Variants in CFAP92 observed in about 807,000 individuals in gnomAD.
CFAP92 encodes cilia and flagella associated protein 92 (putative), also known as uncharacterized protein CFAP92.
A neutral mutation model predicts 106.3 loss-of-function variants in CFAP92; 86 were observed. The ratio of observed to expected loss-of-function variants is 0.81; its 90% CI spans 0.68 to 0.97. The LOEUF (loss-of-function observed/expected upper bound fraction) is 0.97, where lower values mean the gene tolerates loss of function less well. Ranked by LOEUF, CFAP92 falls within the 50% of genes least tolerant of loss-of-function variation. CFAP92 has a pLI of 0.00. For missense variants in CFAP92, 1,204 were observed against 1,283.8 expected (o/e 0.94, Z 0.95); for synonymous variants, 477 against 506.4 (o/e 0.94, Z 0.78).
intron 9 of CFAP92, among the ~76,000 whole-genome samples, chr3:128,948,637 C>T (rs1940495820): frequency 6.6e-6 from 1 of 151,464 alleles, no homozygotes; most frequent in Non-Finnish European, 1.5e-5. Flanking sequence ...TCAAGCAATT[C>T]TCCTGCCTCA....
At chr3:128,978,271 A>C (rs1943290788) in intron 4 of CFAP92, 86 bp from the exon 5 acceptor site, 2 of 1,463,258 alleles carry the variant, frequency 1.4e-6, no homozygotes, top group Admixed American at 4.0e-5. Context: ...TCTTGGAGAC[A>C]CTGGGCGTTC....
At chr3:128,981,107 G>A (rs1943504530) in intron 4 of CFAP92, among the ~76,000 whole-genome samples, 1 of 151,348 alleles carries the variant, frequency 6.6e-6, no homozygotes, top group South Asian at 2.1e-4. Flanking sequence ...TGCGATCTCG[G>A]CTCATTGCAA....
chr3:129,003,881 G>T, upstream of CFAP92: 1 of 1,403,788 alleles, frequency 7.1e-7, no homozygotes. Flanking sequence ...TCAGGCGCAG[G>T]GCGCCCTGGC....
intron 9 of CFAP92, among the ~76,000 whole-genome samples, chr3:128,961,415 A>G (rs183976950): frequency 0.039 from 5,935 of 151,888 alleles, 293 homozygotes; most frequent in African/African-American, 0.11. Flanking sequence ...AGGCCGAGCT[A>G]GGTCCCAATT....
At chr3:128,916,465 G>GAT (rs1208517289) in intron 12 of CFAP92, among the ~76,000 whole-genome samples, 194 bp from the exon 13 acceptor site, 3 of 152,130 alleles carry the variant, frequency 2.0e-5, no homozygotes, top group African/African-American at 4.8e-5. Context: ...ATCCAAAATG[G>GAT]AATTTAAGAG....
intron 15 of CFAP92, chr3:128,912,575 A>G (rs770630924): frequency 5.6e-6 from 9 of 1,614,050 alleles, no homozygotes; most frequent in South Asian, 3.3e-5. Context: ...GCGAGCCTAT[A>G]TCTGTGCCCA....
At chr3:128,982,974 C>T (rs1039651943) in intron 4 of CFAP92, among the ~76,000 whole-genome samples, 4 of 152,138 alleles carry the variant, frequency 2.6e-5, no homozygotes, top group African/African-American at 9.6e-5. Flanking sequence ...GTGAAAAATC[C>T]GAGAATTATC....
At chr3:128,939,353 G>A (rs569560775) in intron 10 of CFAP92, among the ~76,000 whole-genome samples, 1 of 152,110 alleles carries the variant, frequency 6.6e-6, no homozygotes, top group South Asian at 2.1e-4. Flanking sequence ...TGGCCAGGCT[G>A]GTCTCAAACT....
chr3:128,958,018 G>A lies in CFAP92; in HGVS notation c.1353+7493C>T, dbSNP rs1235083255. On this transcript the variant is annotated intron_variant, in intron 9 of 15. Transcript: ENST00000645291. ...TGGCAGCATCCACTTTCCATGTGGC[G>A]TTCTCTGTGTGTCACTTTGCATAGT... Among the ~76,000 whole-genome samples, 4 of 152,114 alleles carry A rather than the reference G, an allele frequency of 2.6e-5. No homozygotes were observed. The East Asian group carries it at 5.8e-4, about 22-fold the overall frequency.
rs1409136981 is a variant in CFAP92, at chr3:128,915,145, G to A, written c.3254C>T (p.Pro1085Leu). 9.1e-6 allele frequency: 14 copies of A among 1,536,000 alleles called. No individual in the cohort carries two copies. Among genetic ancestry groups the A allele is most frequent in the Admixed American group, 2.0e-5 (1 of 50,980 alleles). ...KKPPPFLELL[P>L]SPAPKPVTVR... ...TGTTACAGGCTTTGGTGCGGGCGAA[G>A]GGAGCAGCTCGAGGAAAGGTGGTGG... The change falls in exon 15 of 16, where the codon CCT (proline) becomes CTT (leucine). Residue 1085 changes from proline to leucine, a missense_variant. By Grantham distance (98) the Pro-to-Leu change is moderately conservative. Transcript: ENST00000645291.
intron 11 of CFAP92, among the ~76,000 whole-genome samples, chr3:128,934,834 A>G (rs2107709840): frequency 6.6e-6 from 1 of 152,172 alleles, no homozygotes; most frequent in South Asian, 2.1e-4. Context: ...CCCAGCCCAC[A>G]CCTGGCTAAT....
the CFAP92 span, among the ~76,000 whole-genome samples, chr3:129,022,037 C>G: frequency 6.6e-6 from 1 of 152,208 alleles, no homozygotes; most frequent in Non-Finnish European, 1.5e-5. Flanking sequence ...GCGCAGAGCT[C>G]TGCTCTCACA....
chr3:129,005,353 C>T (rs900380), upstream of CFAP92, among the ~76,000 whole-genome samples: 31,881 of 152,156 alleles, frequency 0.21, 3,669 homozygotes, highest in Middle Eastern at 0.28. Context: ...TGGAACAGTA[C>T]GGGCAAAGCC....
rs915074783 is a variant in CFAP92, at chr3:128,945,749, A to G, written c.1580T>C (p.Leu527Pro). The change falls in exon 10 of 16, where the codon CTG becomes CCG. Residue 527 changes from leucine (L) to proline (P), a missense_variant. By Grantham distance (98) the Leu-to-Pro change is moderately conservative (BLOSUM62 -3). Coordinates refer to ENST00000645291, the MANE Select transcript of CFAP92 (RefSeq NM_001394090.1). ...TGAATCCAGAGGGTCCTCCCCAAAC[A>G]GCACGGGCTTCTGAGAACACTCCTC... is the stretch of plus-strand genomic sequence containing the variant. ...KSEECSQKPV[L>P]FGEDPLDSYL... The G allele has an allele frequency of 2.9e-5, 45 of 1,535,352 alleles. No individual in the cohort carries two copies. The African/African-American group carries it at 5.9e-4, about 20-fold the overall frequency.
chr3:128,988,154 C>A (rs900762295), intron 3 of CFAP92, among the ~76,000 whole-genome samples: 3 of 152,068 alleles, frequency 2.0e-5, no homozygotes, highest in Non-Finnish European at 4.4e-5. Context: ...CATGCACACA[C>A]ACGTCTGCAC....
intron 9 of CFAP92, among the ~76,000 whole-genome samples, chr3:128,956,207 T>TAAAAAAAAAAAAAAAAAAA (rs1256391409): frequency 1.1e-4 from 6 of 53,180 alleles, no homozygotes; most frequent in African/African-American, 4.1e-4. Context: ...AAAAAAAAAA[T>TAAAAAAAAAAAAAAAAAAA]AAAAAAATAA....
the CFAP92 span, among the ~76,000 whole-genome samples, chr3:129,023,131 T>C: frequency 6.6e-6 from 1 of 152,196 alleles, no homozygotes. Flanking sequence ...TTTATCTGAG[T>C]AAAGAACAAG....
intron 12 of CFAP92, among the ~76,000 whole-genome samples, chr3:128,916,882 T>G (rs1936857716): frequency 6.6e-6 from 1 of 152,212 alleles, no homozygotes; most frequent in African/African-American, 2.4e-5. Flanking sequence ...TCTAAATTGT[T>G]GGGCACTGTG....
At position 128,945,585 on chromosome 3, in the gene CFAP92, G is replaced by C; in HGVS notation, c.1744C>G (p.Leu582Val). 6.5e-7 allele frequency: 1 copy of C among 1,536,162 alleles called. No individual in the cohort carries two copies. The highest frequency in any genetic ancestry group is 2.4e-5 in the East Asian group (1 of 40,916). Residue 582 changes from leucine (L) to valine (V), a missense_variant, in exon 10 of 16, where the codon CTG (leucine) becomes GTG (valine). Transcript: ENST00000645291. ...TCACAGCTGTGGATGGGGACGGCCAGATTCAAGTACTTGTGGCCAAGGAGG... is the reference window on the plus strand; with the variant it reads ...TCACAGCTGTGGATGGGGACGGCCACATTCAAGTACTTGTGGCCAAGGAGG... ...DLLLGHKYLN[L>V]AVPIHSCEVQ...
Sources: allele counts gnomAD v4.1 joint callset (sites outside exome capture counted in the v4.1 genomes callset), GRCh38; gene constraint gnomAD v4.1.1; transcripts MANE v1.5; gene names NCBI Gene and HGNC (gene_info 2026-07-23, HGNC 2026-07-21).